URB1: variants seen among roughly 807,000 people sequenced by gnomAD.
URB1 encodes URB1 ribosome biogenesis factor, also known as nucleolar pre-ribosomal-associated protein 1.
A neutral mutation model predicts 242.3 loss-of-function variants in URB1; 197 were observed. That is an observed-to-expected ratio of 0.81 (90% CI 0.72 to 0.91). URB1 has a LOEUF of 0.91. Among genes scored for constraint, URB1 ranks in the 40% least tolerant of loss-of-function variants. The pLI, the probability that URB1 is intolerant of heterozygous loss-of-function variation, is 0.00. For missense variants in URB1, 2,721 were observed against 2,860.5 expected (o/e 0.95, Z 1.11); for synonymous variants, 1,153 against 1,201.8 (o/e 0.96, Z 0.84).
At chr21:32,338,477 T>C (rs948353921) in intron 26 of URB1, among the ~76,000 whole-genome samples, 8 of 152,224 alleles carry the variant, frequency 5.3e-5, no homozygotes, top group Non-Finnish European at 1.0e-4. Flanking sequence ...ACACAACTTC[T>C]GTAAGCCAGT....
chr21:32,361,944 T>C lies in URB1; in HGVS notation c.1587A>G (p.Lys529=), dbSNP rs2123599461. The change falls in exon 12 of 39, where the codon AAA becomes AAG. Residue 529 remains lysine, a synonymous_variant. Transcript: ENST00000382751. The part of the protein sequence containing the change: ...KKQETKQDDK[K]GQKRSDGPPA... ...GGGGCCCATCGCTCCTTTTCTGCCC[T>C]TTCTTGTCATCCTGTTTGGTCTCTT... 6.4e-7 allele frequency: 1 copy of C among 1,551,558 alleles called. No homozygotes were observed. The highest frequency in any genetic ancestry group is 1.4e-5 in the African/African-American group (1 of 73,178).
chr21:32,376,249 T>C (rs1437311129), intron 5 of URB1, among the ~76,000 whole-genome samples: 3 of 152,198 alleles, frequency 2.0e-5, no homozygotes, highest in African/African-American at 7.2e-5. Context: ...TACTTTTTGC[T>C]TTCTCTTCCT....
intron 38 of URB1, among the ~76,000 whole-genome samples, chr21:32,315,314 T>TAA (rs66474832): frequency 2.1e-4 from 29 of 136,462 alleles, no homozygotes; most frequent in East Asian, 1.3e-3. Context: ...TTCTTTTCTT[T>TAA]AAAAAAAAAA....
chr21:32,386,363 G>A (rs1267721518), intron 1 of URB1, among the ~76,000 whole-genome samples: 1 of 152,106 alleles, frequency 6.6e-6, no homozygotes, highest in Non-Finnish European at 1.5e-5. Context: ...ACAGCAAGAG[G>A]GCAGTTGTCT....
chr21:32,336,909 G>A (rs1386955314), intron 28 of URB1, among the ~76,000 whole-genome samples, 185 bp downstream of exon 28: 5 of 152,184 alleles, frequency 3.3e-5, no homozygotes, highest in African/African-American at 1.2e-4. Flanking sequence ...GATGCCTTAT[G>A]GCATAAGGCC....
chr21:32,344,445 G>T, intron 24 of URB1, 125 bp downstream of exon 24: 1 of 1,045,638 alleles, frequency 9.6e-7, no homozygotes, highest in Non-Finnish European at 1.4e-6. Context: ...CCCAGACACA[G>T]CCCCTCTCAT....
chr21:32,370,797 G>A (rs1006750781), intron 8 of URB1, among the ~76,000 whole-genome samples: 10 of 152,194 alleles, frequency 6.6e-5, no homozygotes, highest in African/African-American at 2.2e-4. Flanking sequence ...CAACTGAGTG[G>A]TCACAACAGA....
chr21:32,328,895 A>G (rs1350065233), intron 30 of URB1, among the ~76,000 whole-genome samples: 1 of 152,208 alleles, frequency 6.6e-6, no homozygotes, highest in Non-Finnish European at 1.5e-5. Flanking sequence ...AACCTCATGA[A>G]TAGCAACGTG....
Position 32,359,690 on chromosome 21 carries a change from G to T in URB1, c.1869+106C>A, listed in dbSNP as rs977264145. 1.0e-5 allele frequency: 10 copies of T among 965,564 alleles called. No homozygotes were observed. The Admixed American group carries it at 1.6e-4, about 15-fold the overall frequency. 59.8% of individuals were successfully genotyped at this position (965,564 alleles called of 1,614,324 possible). Reference sequence around the variant, plus strand: ...AAAATGAGAACTGTTAACCTCTTCCGTCTTGCCCCGTCAGGTTCTGAGCCA... The same window carrying T: ...AAAATGAGAACTGTTAACCTCTTCCTTCTTGCCCCGTCAGGTTCTGAGCCA... On this transcript the variant is annotated intron_variant, in intron 14 of 38. Transcript: ENST00000382751.
At chr21:32,336,526 G>A (rs1317025810) in intron 28 of URB1, among the ~76,000 whole-genome samples, 1 of 152,202 alleles carries the variant, frequency 6.6e-6, no homozygotes, top group African/African-American at 2.4e-5. Flanking sequence ...TGCGGCACTT[G>A]TAAAGGTGAG....
Position 32,373,676 on chromosome 21 carries a change from T to A in URB1, c.847A>T (p.Ile283Phe). The A allele has an allele frequency of 6.5e-7, 1 of 1,544,456 alleles. No individual in the cohort carries two copies. Among genetic ancestry groups the A allele is most frequent in the Non-Finnish European group, 8.7e-7 (1 of 1,144,728 alleles). ...HIASLYNWNG[I>F]TDVNPENVKV... is the part of the protein sequence containing the mutation. Reference sequence around the variant, plus strand: ...ACATTTTCTGGGTTCACATCGGTAATCCCATTCCAGTTGTACAGCGATGCT... The same window carrying A: ...ACATTTTCTGGGTTCACATCGGTAAACCCATTCCAGTTGTACAGCGATGCT... The change falls in exon 7 of 39, where the codon ATT becomes TTT. Residue 283 changes from isoleucine (I) to phenylalanine (F), a missense_variant. By Grantham distance (21) the Ile-to-Phe change is conservative. Coordinates refer to ENST00000382751, the MANE Select transcript of URB1 (RefSeq NM_014825.3).
rs1390173653 is a variant in URB1, at chr21:32,324,461, T to C, written c.5233+30A>G. The C allele has an allele frequency of 2.6e-6, 4 of 1,523,504 alleles. No homozygotes were observed. In the South Asian group the frequency reaches 4.8e-5, roughly 18 times the overall value. The allele number at this position is 1,523,504 out of a possible 1,614,324, so 94.4% of individuals were successfully genotyped here. On this transcript the variant is annotated intron_variant, in intron 32 of 38. Transcript: ENST00000382751. ...ACTTGCTCAGCTTCAGCTTTTCAAT[T>C]TCCCCTCAACCTAATTATGTCAGTG...
intron 36 of URB1, among the ~76,000 whole-genome samples, chr21:32,318,493 T>TG (rs1205582850): frequency 6.6e-6 from 1 of 152,232 alleles, no homozygotes; most frequent in Non-Finnish European, 1.5e-5. Flanking sequence ...ATAGGAAAGG[T>TG]TGACTATCCA....
At position 32,349,288 on chromosome 21, in the gene URB1, C is replaced by A. The variant is rs544915603; in HGVS notation, c.3012+16G>T. On this transcript the variant is annotated intron_variant, in intron 21 of 38. Transcript: ENST00000382751. ...ATGACTCTGAGAATAGGCTACCAGG[C>A]AACCTGTGGCGGTACCTGATCATTG... is the stretch of plus-strand genomic sequence containing the variant. The A allele has an allele frequency of 4.6e-6, 7 of 1,515,672 alleles. No individual in the cohort carries two copies. The highest frequency in any genetic ancestry group is 2.2e-5 in the Admixed American group (1 of 45,958). The allele number at this position is 1,515,672 out of a possible 1,614,324, so 93.9% of individuals were successfully genotyped here.
chr21:32,349,014 T>G (rs944553580), intron 21 of URB1, among the ~76,000 whole-genome samples: 1 of 152,210 alleles, frequency 6.6e-6, no homozygotes, highest in Non-Finnish European at 1.5e-5. Flanking sequence ...CACCTTTCAC[T>G]CAACACAAGC....
chr21:32,325,277 C>A lies in URB1; in HGVS notation c.5073G>T (p.Ala1691=). The stretch of plus-strand genomic sequence containing the variant: ...CGCCCTCCAAGTGCGAGTAGTAGGC[C>A]GCCAGGACATGGTAGGCTATGGCTC... ...QMRAIAYHVL[A]AYYSHLEGAR... The change falls in exon 31 of 39, where the codon GCG becomes GCT. Residue 1691 remains alanine, a synonymous_variant. Coordinates refer to ENST00000382751, the MANE Select transcript of URB1 (RefSeq NM_014825.3). The A allele has an allele frequency of 6.4e-7, 1 of 1,551,678 alleles. No individual in the cohort carries two copies. Among genetic ancestry groups the A allele is most frequent in the Non-Finnish European group, 8.7e-7 (1 of 1,146,992 alleles).
chr21:32,389,713 C>A (rs570950480), intron 1 of URB1, among the ~76,000 whole-genome samples: 2 of 152,336 alleles, frequency 1.3e-5, no homozygotes, highest in East Asian at 3.9e-4. Flanking sequence ...AGAAGGAGAT[C>A]AAGAGTTTAA....
intron 4 of URB1, among the ~76,000 whole-genome samples, chr21:32,380,569 A>G (rs946446286): frequency 6.6e-6 from 1 of 152,228 alleles, no homozygotes; most frequent in African/African-American, 2.4e-5. Context: ...CCATCATCTC[A>G]GGCCAAGAGA....
intron 4 of URB1, among the ~76,000 whole-genome samples, chr21:32,381,222 T>C (rs1275742014): frequency 6.6e-6 from 1 of 152,222 alleles, no homozygotes; most frequent in East Asian, 1.9e-4. Flanking sequence ...CTCACAGGGT[T>C]ATTATTCCAG....
Sources: gnomAD v4.1 joint callset for allele counts (sites outside exome capture counted in the v4.1 genomes callset) on GRCh38, gnomAD v4.1.1 for gene constraint, MANE v1.5 for transcripts, NCBI Gene and HGNC (gene_info 2026-07-23, HGNC 2026-07-21) for gene names.